The following SMYD3 variants were observed in gnomAD, a reference collection of about 807,000 sequenced individuals.
SMYD3 encodes the protein histone-lysine N-methyltransferase SMYD3.
In SMYD3, 36 loss-of-function variants were observed where a neutral mutation model predicts 57.7. That is an observed-to-expected ratio of 0.62 (90% CI 0.48 to 0.82). The LOEUF (loss-of-function observed/expected upper bound fraction) is 0.82. SMYD3 is among the 40% of genes least tolerant of loss of function. SMYD3 has a pLI of 0.00. For missense variants in SMYD3, 515 were observed against 538.8 expected (o/e 0.96, Z 0.44); for synonymous variants, 211 against 195.0 (o/e 1.08, Z -0.68).
At chr1:245,820,457 C>T (rs1227544664) in intron 10 of SMYD3, among the ~76,000 whole-genome samples, 1 of 144,770 alleles carries the variant, frequency 6.9e-6, no homozygotes, top group East Asian at 2.1e-4. Flanking sequence ...TGGGCAAAAA[C>T]TGGAAGCATT....
chr1:246,139,992 C>G (rs3845511), intron 5 of SMYD3, among the ~76,000 whole-genome samples: 2 of 151,542 alleles, frequency 1.3e-5, no homozygotes, highest in African/African-American at 4.8e-5. Flanking sequence ...TCCCTTTCAT[C>G]AAGATATTCT....
At chr1:245,897,834 G>C (rs1182845465) in intron 8 of SMYD3, among the ~76,000 whole-genome samples, 1 of 152,110 alleles carries the variant, frequency 6.6e-6, no homozygotes, top group Non-Finnish European at 1.5e-5. Flanking sequence ...GGGAGGCAGA[G>C]GTTGCAGTGA....
At chr1:245,968,256 C>T (rs1362467990) in intron 5 of SMYD3, among the ~76,000 whole-genome samples, 9 of 139,620 alleles carry the variant, frequency 6.4e-5, no homozygotes, top group East Asian at 2.4e-4. Context: ...GAGGCTCTCA[C>T]GTCCTTCTCA....
At chr1:245,816,272 C>T (rs2048795818) in intron 10 of SMYD3, among the ~76,000 whole-genome samples, 1 of 152,112 alleles carries the variant, frequency 6.6e-6, no homozygotes, top group South Asian at 2.1e-4. Flanking sequence ...CAGCAGCAAA[C>T]TCCCCACAGA....
rs774187401 is a variant in SMYD3 at position 245,926,225 on chromosome 1, T to C, written c.702+1706A>G. On this transcript the variant is annotated intron_variant, in intron 7 of 11. Transcript: ENST00000490107. ...CAGCAAGAATTTGGGGATAAAGTTT[T>C]CAACAGATGGAATCTGGGGGACATG... Among the ~76,000 whole-genome samples, 9 of 152,288 alleles carry C rather than the reference T, an allele frequency of 5.9e-5. 1 individual carries two copies. In the South Asian group the frequency reaches 1.0e-3, roughly 18 times the overall value.
At chr1:246,083,118 G>T (rs1301168235) in intron 5 of SMYD3, among the ~76,000 whole-genome samples, 1 of 151,878 alleles carries the variant, frequency 6.6e-6, no homozygotes, top group African/African-American at 2.4e-5. Context: ...GGTCTGTGCT[G>T]AGGAGGATTA....
intron 5 of SMYD3, among the ~76,000 whole-genome samples, chr1:246,293,714 T>C (rs890873116): frequency 7.9e-5 from 12 of 152,206 alleles, no homozygotes; most frequent in Non-Finnish European, 1.3e-4. Context: ...TGCCCACTTA[T>C]CTTTAAATCT....
chr1:245,765,887 A>G (rs566780584), intron 10 of SMYD3, among the ~76,000 whole-genome samples: 1 of 152,244 alleles, frequency 6.6e-6, no homozygotes, highest in South Asian at 2.1e-4. Flanking sequence ...TCTAAGCTCT[A>G]TTATATAACA....
intron 5 of SMYD3, among the ~76,000 whole-genome samples, chr1:246,139,534 T>G (rs889578132): frequency 6.6e-6 from 1 of 152,230 alleles, no homozygotes; most frequent in Non-Finnish European, 1.5e-5. Flanking sequence ...AGTAATTCCC[T>G]TTGTCAATTC....
intron 1 of SMYD3, among the ~76,000 whole-genome samples, chr1:246,448,629 C>T (rs2067582529): frequency 6.8e-6 from 1 of 148,032 alleles, no homozygotes; most frequent in Non-Finnish European, 1.5e-5. Flanking sequence ...CCAACAATGC[C>T]CTTAAGAATT....
chr1:245,931,570 T>C (rs1306708540), intron 5 of SMYD3, among the ~76,000 whole-genome samples: 2 of 152,124 alleles, frequency 1.3e-5, no homozygotes, highest in East Asian at 1.9e-4. Flanking sequence ...ACAATTGGAG[T>C]TCACAAGAGG....
At chr1:245,966,321 C>T (rs1012871788) in intron 5 of SMYD3, among the ~76,000 whole-genome samples, 1 of 152,062 alleles carries the variant, frequency 6.6e-6, no homozygotes, top group Non-Finnish European at 1.5e-5. Context: ...ACGCCTGCCA[C>T]TATGCCTGGC....
chr1:245,789,586 ATT>A (rs1246259573), intron 10 of SMYD3, among the ~76,000 whole-genome samples: 1 of 152,184 alleles, frequency 6.6e-6, no homozygotes, highest in Non-Finnish European at 1.5e-5. Flanking sequence ...TTTAAGTACA[ATT>A]GTGTGGTCTG....
intron 5 of SMYD3, among the ~76,000 whole-genome samples, chr1:246,014,646 G>C (rs960053766): frequency 3.5e-4 from 53 of 152,084 alleles, no homozygotes; most frequent in Admixed American, 3.5e-3. Flanking sequence ...TGTCTGATAA[G>C]AGCTACTTTT....
Position 245,764,099 on chromosome 1 carries a change from A to G in SMYD3, c.1127T>C (p.Val376Ala), listed in dbSNP as rs151331887. 4.3e-6 allele frequency: 7 copies of G among 1,614,020 alleles called. No homozygotes were observed. The highest frequency in any genetic ancestry group is 4.5e-5 in the East Asian group (2 of 44,886). The change falls in exon 11 of 12, where the codon GTT (valine) becomes GCT (alanine). Residue 376 changes from valine to alanine, a missense_variant. Coordinates refer to ENST00000490107, the MANE Select transcript of SMYD3 (RefSeq NM_001167740.2). The stretch of plus-strand genomic sequence containing the variant: ...GCCTTGATGTAGCTGCAGTTTGCCA[A>G]CTTTCATCACTTGAACCCCTCTGAC... ...HPVRGVQVMK[V>A]GKLQLHQGMF...
At chr1:246,243,358 G>C (rs897447627) in intron 5 of SMYD3, among the ~76,000 whole-genome samples, 1 of 126,630 alleles carries the variant, frequency 7.9e-6, no homozygotes, top group Non-Finnish European at 1.7e-5. Flanking sequence ...ATTTTACTAG[G>C]AATAATTGAG....
chr1:245,872,887 A>T (rs1428446791), intron 8 of SMYD3, among the ~76,000 whole-genome samples: 5 of 152,206 alleles, frequency 3.3e-5, no homozygotes, highest in Non-Finnish European at 7.3e-5. Context: ...ATGAAGTCAG[A>T]ACTTCTAGAA....
At chr1:245,998,238 T>C (rs938294880) in intron 5 of SMYD3, among the ~76,000 whole-genome samples, 2 of 152,156 alleles carry the variant, frequency 1.3e-5, no homozygotes, top group African/African-American at 4.8e-5. Context: ...TTACCCACCC[T>C]TGGGGAGGGA....
intron 10 of SMYD3, among the ~76,000 whole-genome samples, chr1:245,802,398 T>C (rs1054245520): frequency 3.3e-5 from 5 of 152,242 alleles, no homozygotes; most frequent in African/African-American, 1.2e-4. Flanking sequence ...GACAACTCTC[T>C]TTTTCCTTTA....
Sources: allele counts gnomAD v4.1 joint callset (sites outside exome capture counted in the v4.1 genomes callset), GRCh38; gene constraint gnomAD v4.1.1; transcripts MANE v1.5; gene names NCBI Gene and HGNC (gene_info 2026-07-23, HGNC 2026-07-21).